The following SEMA5B variants were observed in gnomAD, a reference collection of about 807,000 sequenced individuals.
SEMA5B encodes the protein semaphorin 5B, also known as semaphorin-5B.
A neutral mutation model predicts 135.0 loss-of-function variants in SEMA5B; 66 were observed. The ratio of observed to expected loss-of-function variants is 0.49; its 90% CI spans 0.40 to 0.60. The LOEUF (loss-of-function observed/expected upper bound fraction) is 0.60, where lower values mean the gene tolerates loss of function less well. Ranked by LOEUF, SEMA5B falls within the 20% of genes least tolerant of loss-of-function variation. The probability of loss-of-function intolerance (pLI) is 0.00; values close to 1 mark genes in which losing one functional copy is unlikely to be tolerated. For synonymous variants in SEMA5B, 690 were observed against 639.5 expected (o/e 1.08, Z -1.19); for missense variants, 1,501 against 1,566.3 (o/e 0.96, Z 0.70).
At chr3:123,027,841 G>A (rs1372927699), upstream of SEMA5B, 1 of 152,346 alleles carries the variant, frequency 6.6e-6, no homozygotes, top group African/African-American at 2.4e-5. Flanking sequence ...GGAGGGGAGC[G>A]GGAGCGAAAA....
intron 1 of SEMA5B, among the ~76,000 whole-genome samples, chr3:123,023,739 C>T (rs1942741169): frequency 6.6e-6 from 1 of 152,242 alleles, no homozygotes; most frequent in African/African-American, 2.4e-5. Flanking sequence ...CAGTAAATCA[C>T]CACAGATGTT....
chr3:122,973,773 T>C (rs1001994182), intron 1 of SEMA5B, among the ~76,000 whole-genome samples: 4 of 151,926 alleles, frequency 2.6e-5, no homozygotes, highest in African/African-American at 9.7e-5. Flanking sequence ...ACCCACCAAG[T>C]GTGGAGCCCA....
rs143587146 is a variant in SEMA5B, at chr3:122,924,581, C to T, written c.1137-829G>A. On this transcript the variant is annotated intron_variant, in intron 9 of 22. Coordinates refer to ENST00000357599, the MANE Select transcript of SEMA5B (RefSeq NM_001031702.4). The stretch of plus-strand genomic sequence containing the variant: ...TGTCAATAATTTCTCCTTGCTCTTA[C>T]AATAAAGATTAAAGCAGTCTGCAAT... Among the ~76,000 whole-genome samples, 416 of 152,328 alleles carry T rather than the reference C, an allele frequency of 2.7e-3. 3 individuals carry two copies. The highest frequency in any genetic ancestry group is 8.4e-3 in the African/African-American group (351 of 41,570).
Position 122,926,646 on chromosome 3 carries a change from C to T in SEMA5B, c.882G>A (p.Gly294=), listed in dbSNP as rs200273262. ...CCCGCAGGAAGAAGTATGCAAACAGCCCAATATCATAGGCTGCCACGAAGT... is the reference window on the plus strand; with the variant it reads ...CCCGCAGGAAGAAGTATGCAAACAGTCCAATATCATAGGCTGCCACGAAGT... ...EPNFVAAYDI[G]LFAYFFLREN... is the part of the protein sequence containing the mutation. Residue 294 remains glycine, a synonymous_variant, in exon 9 of 23, where the codon GGG becomes GGA. Transcript: ENST00000357599. The T allele has an allele frequency of 4.5e-5, 72 of 1,613,820 alleles. No individual in the cohort carries two copies. In the East Asian group the frequency reaches 1.5e-3, roughly 34 times the overall value.
chr3:122,943,394 A>G (rs769021008), intron 4 of SEMA5B, 42 bp downstream of exon 4: 1 of 1,390,872 alleles, frequency 7.2e-7, no homozygotes, highest in Non-Finnish European at 1.0e-6. Context: ...CCCAGCTCCA[A>G]GCCCCTGCAC....
chr3:122,944,380 C>G (rs891672), intron 3 of SEMA5B, among the ~76,000 whole-genome samples: 131,505 of 152,180 alleles, frequency 0.86, 58,578 homozygotes, highest in Non-Finnish European at 0.97. Flanking sequence ...TCAAGCCAGG[C>G]TAAAGGGCTC....
intron 1 of SEMA5B, among the ~76,000 whole-genome samples, chr3:122,977,644 C>T (rs1941378076): frequency 6.6e-6 from 1 of 152,190 alleles, no homozygotes; most frequent in Non-Finnish European, 1.5e-5. Context: ...CAAAAACATC[C>T]AGAATAATGT....
At chr3:122,931,670 G>A (rs1414871775) in intron 5 of SEMA5B, among the ~76,000 whole-genome samples, 5 of 152,070 alleles carry the variant, frequency 3.3e-5, no homozygotes, top group South Asian at 2.1e-4. Flanking sequence ...CATTTTTGCT[G>A]TTTGTCTGTT....
At chr3:122,912,147 A>C (rs772350200) in intron 19 of SEMA5B, 25 bp downstream of exon 19, 2 of 1,580,228 alleles carry the variant, frequency 1.3e-6, no homozygotes, top group East Asian at 2.3e-5. Context: ...GTCGCTTCCC[A>C]GCCCTGGCGG....
In SEMA5B at chr3:122,910,157, A is replaced by T. The variant is rs1464110710; in HGVS notation, c.3442T>A (p.Phe1148Ile). The change falls in exon 23 of 23, where the codon TTC (phenylalanine) becomes ATC (isoleucine). Residue 1148 changes from phenylalanine (F) to isoleucine (I), a missense_variant. Phe to Ile is a conservative substitution (Grantham distance 21, BLOSUM62 0). Around this residue, in one of 2 missense-constraint regions of SEMA5B, gnomAD observed 927 missense variants for 881.6 expected, o/e 1.05. Transcript: ENST00000357599. The part of the protein sequence containing the change: ...RPEASPGQRC[F>I]PNS ...GGACGGCGGTATCAGCTGTTGGGGA[A>T]GCACCGTTGTCCAGGTGAGGCCTCG... 8.1e-6 allele frequency: 13 copies of T among 1,614,038 alleles called. No homozygotes were observed. Among genetic ancestry groups the T allele is most frequent in the African/African-American group, 2.7e-5 (2 of 74,932 alleles).
intron 12 of SEMA5B, among the ~76,000 whole-genome samples, chr3:122,916,389 C>T (rs1188960924): frequency 6.6e-6 from 1 of 152,164 alleles, no homozygotes; most frequent in East Asian, 1.9e-4. Context: ...ATTAGAATCA[C>T]CTGAGGAGCT....
chr3:122,933,335 T>C (rs59610103), intron 5 of SEMA5B, among the ~76,000 whole-genome samples: 23,169 of 152,192 alleles, frequency 0.15, 1,871 homozygotes, highest in Middle Eastern at 0.26. Context: ...GATTGGTAGT[T>C]TTGATACCAA....
At chr3:122,997,014 G>A (rs1320336784) in intron 1 of SEMA5B, among the ~76,000 whole-genome samples, 1 of 152,174 alleles carries the variant, frequency 6.6e-6, no homozygotes, top group Non-Finnish European at 1.5e-5. Flanking sequence ...CCCAGGGAAG[G>A]GAAGCCCCGA....
Position 122,914,975 on chromosome 3 carries a change from C to T in SEMA5B, c.1988+465G>A, listed in dbSNP as rs569743952. Among the ~76,000 whole-genome samples the T allele has an allele frequency of 2.6e-5, 4 of 152,282 alleles. No individual in the cohort carries two copies. In the East Asian group the frequency reaches 5.8e-4, roughly 22 times the overall value. On this transcript the variant is annotated intron_variant, in intron 14 of 22. Coordinates refer to ENST00000357599, the MANE Select transcript of SEMA5B (RefSeq NM_001031702.4). ...GGCACTGTGCAAGCTCTGTATATAC[C>T]TTATCTCATTTAACCCTCCCAACAA...
At position 122,922,237 on chromosome 3, in the gene SEMA5B, C is replaced by T; in HGVS notation, c.1480+3G>A. 2 of 1,607,846 alleles carry T rather than the reference C, an allele frequency of 1.2e-6. No homozygotes were observed. Among genetic ancestry groups the T allele is most frequent in the South Asian group, 1.1e-5 (1 of 90,732 alleles). ...CAGTCCAGGTTGGACCGGGCCGGCTCACCGGTGCCAATGTAGAGTACATGG... is the reference window on the plus strand; with the variant it reads ...CAGTCCAGGTTGGACCGGGCCGGCTTACCGGTGCCAATGTAGAGTACATGG... On this transcript the variant is annotated splice_donor_region_variant and intron_variant, in intron 11 of 22. Coordinates refer to ENST00000357599, the MANE Select transcript of SEMA5B (RefSeq NM_001031702.4).
At chr3:122,936,932 T>G (rs577364708) in intron 5 of SEMA5B, among the ~76,000 whole-genome samples, 2 of 152,390 alleles carry the variant, frequency 1.3e-5, no homozygotes, top group Admixed American at 1.3e-4. Flanking sequence ...GGTTAGGTAC[T>G]TGGAAGTCCC....
chr3:122,979,373 G>A lies in SEMA5B; in HGVS notation c.-38-18072C>T, dbSNP rs115741814. Reference sequence around the variant, plus strand: ...GCTGGCCAAGCAGCCCGCCATCCACGAACACTTTCACATCCTCCCAACTCT... The same window carrying A: ...GCTGGCCAAGCAGCCCGCCATCCACAAACACTTTCACATCCTCCCAACTCT... On this transcript the variant is annotated intron_variant, in intron 1 of 22. Transcript: ENST00000357599. 1.3e-3 allele frequency among the ~76,000 whole-genome samples: 195 copies of A among 152,304 alleles called. 1 individual carries two copies. Among genetic ancestry groups the A allele is most frequent in the African/African-American group, 4.3e-3 (179 of 41,582 alleles).
At position 122,948,648 on chromosome 3, in the gene SEMA5B, T is replaced by C; in HGVS notation, c.186A>G (p.Ala62=). Residue 62 remains alanine, a synonymous_variant, in exon 3 of 23, where the codon GCA becomes GCG. Coordinates refer to ENST00000357599, the MANE Select transcript of SEMA5B (RefSeq NM_001031702.4). ...RTAEGPIMVL[A]GPLAVSLLLP... ...GCAACAGCGAGACAGCCAGGGGGCC[T>C]GCAAGCACCATGATAGGCCCCTCTG... 1.9e-6 allele frequency: 3 copies of C among 1,613,722 alleles called. No homozygotes were observed. The highest frequency in any genetic ancestry group is 1.1e-5 in the South Asian group (1 of 91,016).
At chr3:122,936,591 G>A (rs1576348421) in intron 5 of SEMA5B, among the ~76,000 whole-genome samples, 1 of 152,224 alleles carries the variant, frequency 6.6e-6, no homozygotes, top group Non-Finnish European at 1.5e-5. Flanking sequence ...CAGCCAGGTC[G>A]TCCCATGGAA....
Sources: allele counts gnomAD v4.1 joint callset (sites outside exome capture counted in the v4.1 genomes callset), GRCh38; gene constraint gnomAD v4.1.1; regional missense constraint gnomAD v4.1.1; transcripts MANE v1.5; gene names NCBI Gene and HGNC (gene_info 2026-07-23, HGNC 2026-07-21).